Variants in IBTK observed in about 807,000 individuals in gnomAD.
IBTK encodes the protein BTK-binding protein.
IBTK carries 83 observed loss-of-function variants against 154.9 expected under a neutral mutation model. That is an observed-to-expected ratio of 0.54 (90% CI 0.45 to 0.64). IBTK has a LOEUF of 0.64. Among genes scored for constraint, IBTK ranks in the 30% least tolerant of loss-of-function variants. IBTK has a pLI of 0.00. For missense variants in IBTK, 1,332 were observed against 1,584.6 expected (o/e 0.84, Z 2.71); for synonymous variants, 515 against 536.1 (o/e 0.96, Z 0.54).
chr6:82,200,264 G>C lies in IBTK; in HGVS notation c.2913-11C>G. 1 of 1,584,748 alleles carries C rather than the reference G, an allele frequency of 6.3e-7. No homozygotes were observed. On this transcript the variant is annotated splice_polypyrimidine_tract_variant and intron_variant, in intron 20 of 28. Coordinates refer to ENST00000306270, the MANE Select transcript of IBTK (RefSeq NM_015525.4). ...TTGAACATAGTTTCCCTAGGAAAAA[G>C]CAAACATAATTTCAGCAGTGTTTAG...
At chr6:82,195,402 C>G (rs1768943616) in intron 22 of IBTK, among the ~76,000 whole-genome samples, 1 of 151,860 alleles carries the variant, frequency 6.6e-6, no homozygotes, top group African/African-American at 2.4e-5. Context: ...ACGGCAAAAC[C>G]CCATCTCTAC....
chr6:82,193,592 A>T (rs188558595), intron 23 of IBTK, among the ~76,000 whole-genome samples: 178 of 152,360 alleles, frequency 1.2e-3, no homozygotes, highest in Non-Finnish European at 2.2e-3. Context: ...GACTTTATCA[A>T]CCATTGTAGG....
At chr6:82,236,348 C>T (rs966627641) in intron 2 of IBTK, among the ~76,000 whole-genome samples, 62 of 152,150 alleles carry the variant, frequency 4.1e-4, no homozygotes, top group Non-Finnish European at 7.2e-4. Flanking sequence ...ACCTCACAGA[C>T]AGTATATTAT....
rs542227117 is a variant in IBTK, at chr6:82,202,730, C to A, written c.2612-85G>T. On this transcript the variant is annotated intron_variant, in intron 17 of 28. Coordinates refer to ENST00000306270, the MANE Select transcript of IBTK (RefSeq NM_015525.4). ...AAATACATTTATGTCTAAAGCTGTA[C>A]GATTTGAACATTTGGAATAAAGAAA... 4.4e-4 allele frequency: 303 copies of A among 690,806 alleles called. 5 individuals are homozygous for A. The South Asian group carries it at 6.9e-3, about 16-fold the overall frequency. The allele number at this position is 690,806 out of a possible 1,614,324, so 42.8% of individuals were successfully genotyped here. A position where few individuals can be genotyped will look rare whatever the true frequency, so the allele number is the denominator to read the frequency against.
rs958852090 is a variant in IBTK at position 82,237,412 on chromosome 6, C to T, written c.321+2754G>A. Among the ~76,000 whole-genome samples, 13 of 152,052 alleles carry T rather than the reference C, an allele frequency of 8.5e-5. No homozygotes were observed. In the South Asian group the frequency reaches 2.3e-3, roughly 27 times the overall value. ...AGGAATCTTCTCTACCATTAACAAACTTAAAAATGCTTTACTTCATGGATA... is the reference window on the plus strand; with the variant it reads ...AGGAATCTTCTCTACCATTAACAAATTTAAAAATGCTTTACTTCATGGATA... On this transcript the variant is annotated intron_variant, in intron 2 of 28. Transcript: ENST00000306270.
In IBTK at chr6:82,170,604, T is replaced by A. The variant is rs1328834797; in HGVS notation, c.*821A>T. On this transcript the variant is annotated 3_prime_UTR_variant, in exon 29 of 29. Coordinates refer to ENST00000306270, the MANE Select transcript of IBTK (RefSeq NM_015525.4). Reference sequence around the variant, plus strand: ...ATAATCCAACCCTCTTCCAAACTATTTAATTCCTGTATATGTAATTAAGCA... The same window carrying A: ...ATAATCCAACCCTCTTCCAAACTATATAATTCCTGTATATGTAATTAAGCA... 1.3e-5 allele frequency: 2 copies of A among 152,194 alleles called. No individual in the cohort carries two copies. The highest frequency in any genetic ancestry group is 2.9e-5 in the Non-Finnish European group (2 of 68,044). 9.4% of individuals were successfully genotyped at this position (152,194 alleles called of 1,614,324 possible).
rs1771205098 is a variant in IBTK at position 82,247,585 on chromosome 6, G to A, written c.-381C>T. 1 of 398,834 alleles carries A rather than the reference G, an allele frequency of 2.5e-6. No homozygotes were observed. Among genetic ancestry groups the A allele is most frequent in the African/African-American group, 2.1e-5 (1 of 48,760 alleles). The allele number at this position is 398,834 out of a possible 1,614,324, so 24.7% of individuals were successfully genotyped here. A position where few individuals can be genotyped will look rare whatever the true frequency, so the allele number is the denominator to read the frequency against. ...ACCAGTCGCTAGATGAAACTGCGCC[G>A]GTGGATTCCGCAGGGTCCACATAGA... On this transcript the variant is annotated 5_prime_UTR_variant, in exon 1 of 29. Transcript: ENST00000306270.
Position 82,200,692 on chromosome 6 carries a change from C to G in IBTK, c.2807G>C (p.Arg936Thr). 6.4e-7 allele frequency: 1 copy of G among 1,566,572 alleles called. No homozygotes were observed. The highest frequency in any genetic ancestry group is 8.6e-7 in the Non-Finnish European group (1 of 1,163,666). Residue 936 changes from arginine to threonine, a missense_variant, in exon 20 of 29, where the codon AGA becomes ACA. Coordinates refer to ENST00000306270, the MANE Select transcript of IBTK (RefSeq NM_015525.4). ...FYRKMIPAMD[R>T]RVITPYQDGP... ...ATCTTGATATGGTGTAATGACTCTT[C>G]TATCCATTGCTGGAATCTGCAGAAT...
At chr6:82,180,724 A>G (rs1768291087) in intron 26 of IBTK, among the ~76,000 whole-genome samples, 1 of 152,232 alleles carries the variant, frequency 6.6e-6, no homozygotes, top group Non-Finnish European at 1.5e-5. Context: ...AATAGTAACA[A>G]TAAAAATATG....
intron 4 of IBTK, among the ~76,000 whole-genome samples, chr6:82,231,329 GTTGTTCAC>G (rs1770496204): frequency 2.0e-5 from 3 of 151,080 alleles, no homozygotes; most frequent in Non-Finnish European, 2.9e-5. Flanking sequence ...AAAAAGAACT[GTTGTTCAC>G]TTATCAAAAA....
chr6:82,217,843 A>T (rs1233581223), intron 10 of IBTK, 117 bp downstream of exon 10: 5 of 644,624 alleles, frequency 7.8e-6, no homozygotes, highest in African/African-American at 3.8e-5. Flanking sequence ...AAAACTAATC[A>T]CAAAGATAAA....
chr6:82,197,297 A>T (rs1195028239), intron 21 of IBTK, among the ~76,000 whole-genome samples: 3 of 152,138 alleles, frequency 2.0e-5, no homozygotes, highest in Non-Finnish European at 4.4e-5. Context: ...TTAACAAGCT[A>T]AATGTTTCTT....
intron 21 of IBTK, among the ~76,000 whole-genome samples, chr6:82,196,921 C>T (rs1274621068): frequency 6.6e-6 from 1 of 152,218 alleles, no homozygotes. Context: ...AGCCAGCTGA[C>T]TGACCCCATA....
chr6:82,242,900 G>A (rs952223769), intron 1 of IBTK, among the ~76,000 whole-genome samples: 4 of 150,948 alleles, frequency 2.6e-5, no homozygotes, highest in Admixed American at 6.6e-5. Flanking sequence ...TCCCGCCACC[G>A]CACTCCAGTC....
intron 27 of IBTK, chr6:82,173,102 A>T: frequency 3.6e-6 from 1 of 274,048 alleles, no homozygotes; most frequent in Non-Finnish European, 6.8e-6. Context: ...CCCAGGTTCA[A>T]ACGATTCTCC....
intron 8 of IBTK, 144 bp downstream of exon 8, chr6:82,223,296 A>G (rs1770165704): frequency 1.8e-6 from 1 of 567,338 alleles, no homozygotes; most frequent in Non-Finnish European, 2.8e-6. Context: ...ACAAAAATCA[A>G]AGACAAAAAT....
intron 1 of IBTK, among the ~76,000 whole-genome samples, chr6:82,243,827 A>G (rs1771044409): frequency 6.6e-6 from 1 of 152,226 alleles, no homozygotes; most frequent in South Asian, 2.1e-4. Flanking sequence ...CAAACCTTAC[A>G]TTAAAGAATT....
intron 8 of IBTK, among the ~76,000 whole-genome samples, chr6:82,222,169 C>CAA (rs57962676): frequency 0.028 from 2,771 of 98,412 alleles, 28 homozygotes; most frequent in Middle Eastern, 0.039. Flanking sequence ...GACAATGTCT[C>CAA]AAAAAAAAAA....
intron 2 of IBTK, among the ~76,000 whole-genome samples, chr6:82,237,289 A>T (rs1770751887): frequency 6.6e-6 from 1 of 152,130 alleles, no homozygotes; most frequent in Admixed American, 6.6e-5. Flanking sequence ...GAAAAGGGTA[A>T]GAATGGAGCT....
Sources: allele counts gnomAD v4.1 joint callset (sites outside exome capture counted in the v4.1 genomes callset), GRCh38; gene constraint gnomAD v4.1.1; transcripts MANE v1.5; gene names NCBI Gene and HGNC (gene_info 2026-07-23, HGNC 2026-07-21).